DOP1B: variants seen among roughly 807,000 people sequenced by gnomAD.
DOP1B encodes the protein protein DOP1B.
Under a neutral mutation model 233.5 loss-of-function variants are expected in DOP1B, and 174 were observed. The ratio of observed to expected loss-of-function variants is 0.75; its 90% confidence interval spans 0.66 to 0.85. The LOEUF (loss-of-function observed/expected upper bound fraction) is 0.85, where lower values mean the gene tolerates loss of function less well. Ranked by LOEUF, DOP1B falls within the 40% of genes least tolerant of loss-of-function variation. The pLI is 0.00. For synonymous variants in DOP1B, 1,190 were observed against 1,185.6 expected (o/e 1.00, Z -0.08); for missense variants, 2,652 against 2,846.6 (o/e 0.93, Z 1.56).
chr21:36,174,016 C>A (rs16993939), intron 2 of DOP1B, among the ~76,000 whole-genome samples: 1,856 of 152,208 alleles, frequency 0.012, 40 homozygotes, highest in African/African-American at 0.043. Flanking sequence ...TCACACAGTT[C>A]AGCTTCCGGA....
At chr21:36,290,390 G>A (rs537904641) in intron 35 of DOP1B, among the ~76,000 whole-genome samples, 5 of 152,186 alleles carry the variant, frequency 3.3e-5, no homozygotes, top group East Asian at 3.9e-4. Flanking sequence ...GCCAGGTACC[G>A]TGGCTCACAC....
intron 26 of DOP1B, among the ~76,000 whole-genome samples, chr21:36,269,321 A>G (rs544693698): frequency 1.3e-5 from 2 of 151,282 alleles, no homozygotes; most frequent in East Asian, 2.0e-4. Context: ...ACACCCACCT[A>G]ATTTTGTATT....
At chr21:36,194,517 C>T (rs146474952) in intron 2 of DOP1B, among the ~76,000 whole-genome samples, 5,423 of 136,932 alleles carry the variant, frequency 0.04, 149 homozygotes, top group Non-Finnish European at 0.055. Flanking sequence ...GACAGAGTCT[C>T]ACTCTGTCAC....
intron 2 of DOP1B, among the ~76,000 whole-genome samples, chr21:36,167,192 T>G (rs566362163): frequency 2.6e-5 from 4 of 152,296 alleles, no homozygotes; most frequent in African/African-American, 9.6e-5. Context: ...TTTTTCTTTT[T>G]GAAACAGTCT....
intron 2 of DOP1B, among the ~76,000 whole-genome samples, chr21:36,181,723 C>A (rs2066100725): frequency 6.6e-6 from 1 of 152,156 alleles, no homozygotes; most frequent in African/African-American, 2.4e-5. Context: ...GTTATGTCCA[C>A]CCATGCCTCC....
intron 9 of DOP1B, among the ~76,000 whole-genome samples, chr21:36,218,330 A>G (rs1283527095): frequency 6.6e-6 from 1 of 152,080 alleles, no homozygotes; most frequent in African/African-American, 2.4e-5. Flanking sequence ...TCAGGAGTTC[A>G]AGACCAACAT....
intron 32 of DOP1B, among the ~76,000 whole-genome samples, chr21:36,283,936 CTTTTTT>C (rs547999186): frequency 1.7e-3 from 167 of 101,000 alleles, no homozygotes; most frequent in African/African-American, 6.0e-3. Context: ...ACACCTGTTC[CTTTTTT>C]TTTTTTTTTT....
intron 22 of DOP1B, among the ~76,000 whole-genome samples, chr21:36,253,189 A>G (rs1268660147): frequency 6.6e-6 from 1 of 152,180 alleles, no homozygotes; most frequent in African/African-American, 2.4e-5. Context: ...AGGCTAGCAA[A>G]TGGGAGCCTG....
chr21:36,265,527 G>A (rs1365493139), intron 26 of DOP1B, among the ~76,000 whole-genome samples: 1 of 152,214 alleles, frequency 6.6e-6, no homozygotes, highest in Admixed American at 6.6e-5. Context: ...CCAGGTGCTG[G>A]GATAGCACTT....
chr21:36,244,396 T>G (rs1298841248), intron 18 of DOP1B, among the ~76,000 whole-genome samples: 2 of 152,074 alleles, frequency 1.3e-5, no homozygotes, highest in African/African-American at 4.8e-5. Context: ...TTTGAAAGTC[T>G]TCTGCTGACA....
intron 26 of DOP1B, among the ~76,000 whole-genome samples, chr21:36,267,566 C>T (rs2067243309): frequency 6.7e-6 from 1 of 150,160 alleles, no homozygotes. Context: ...CACCTGTAGT[C>T]CCAGCTACCT....
rs556956246 is a variant in DOP1B at position 36,184,473 on chromosome 21, C to T, written c.139-14597C>T. Among the ~76,000 whole-genome samples, 8 of 152,336 alleles carry T rather than the reference C, an allele frequency of 5.3e-5. No individual in the cohort carries two copies. The East Asian group carries it at 5.8e-4, about 11-fold the overall frequency. ...TGCTGGGATCATAGGCATGAGCCAC[C>T]GTGCCCAGCCCCTGTATACACTGTT... On this transcript the variant is annotated intron_variant, in intron 2 of 36. Transcript: ENST00000691173.
At chr21:36,216,592 CAG>C (rs1279076787) in intron 9 of DOP1B, among the ~76,000 whole-genome samples, 5 of 152,172 alleles carry the variant, frequency 3.3e-5, no homozygotes, top group African/African-American at 1.2e-4. Context: ...GCCTGGGCAA[CAG>C]AGTGAGACTC....
chr21:36,217,747 G>T (rs1305159431), intron 9 of DOP1B, among the ~76,000 whole-genome samples: 1 of 152,168 alleles, frequency 6.6e-6, no homozygotes, highest in Non-Finnish European at 1.5e-5. Flanking sequence ...AGATTTTCCT[G>T]CTAGTGTAGA....
At chr21:36,215,235 A>G (rs572809610) in intron 9 of DOP1B, among the ~76,000 whole-genome samples, 44 of 152,256 alleles carry the variant, frequency 2.9e-4, no homozygotes, top group African/African-American at 1.1e-3. Context: ...GATCCTGGGC[A>G]AGCCACTTCT....
In DOP1B at chr21:36,199,110, G is replaced by A. The variant is rs938543899; in HGVS notation, c.179G>A (p.Arg60Gln). 1.5e-5 allele frequency: 24 copies of A among 1,613,758 alleles called. No homozygotes were observed. Among genetic ancestry groups the A allele is most frequent in the East Asian group, 8.9e-5 (4 of 44,876 alleles). Residue 60 changes from arginine to glutamine, a missense_variant, in exon 3 of 37, where the codon CGG becomes CAG. Arg to Gln is a conservative substitution (Grantham distance 43, BLOSUM62 1). Transcript: ENST00000691173. ...SNLRYSLLPRRLLISKRLAQC... is the reference protein window; with the variant it reads ...SNLRYSLLPRQLLISKRLAQC... Reference sequence around the variant, plus strand: ...CTGAGGTACTCCTTGTTGCCAAGACGGCTCCTCATCAGCAAAAGATTAGCT... The same window carrying A: ...CTGAGGTACTCCTTGTTGCCAAGACAGCTCCTCATCAGCAAAAGATTAGCT...
At position 36,251,838 on chromosome 21, in the gene DOP1B, A is replaced by G. The variant is rs1441585503; in HGVS notation, c.5121+554A>G. On this transcript the variant is annotated intron_variant, in intron 22 of 36. Coordinates refer to ENST00000691173, the MANE Select transcript of DOP1B (RefSeq NM_001320714.2). ...TCTGTTTTCTAATTTTTCTGTAATG[A>G]GTATATAGTACTTGTGTTTAATCTT... Among the ~76,000 whole-genome samples the G allele has an allele frequency of 2.0e-5, 3 of 152,178 alleles. No homozygotes were observed. In the South Asian group the frequency reaches 6.2e-4, roughly 32 times the overall value.
At chr21:36,184,522 C>T (rs992898059) in intron 2 of DOP1B, among the ~76,000 whole-genome samples, 1 of 152,140 alleles carries the variant, frequency 6.6e-6, no homozygotes, top group African/African-American at 2.4e-5. Context: ...ACCCAGCTGC[C>T]GAGAGATGGT....
In DOP1B at chr21:36,251,017, C is replaced by T. The variant is rs1247122355; in HGVS notation, c.4999-145C>T. On this transcript the variant is annotated intron_variant, in intron 21 of 36. Transcript: ENST00000691173. ...GATTCCTCCCATTGCTGGGATCCAC[C>T]CATCAGGGAAGCACCTCAGCACAAC... 2.7e-6 allele frequency: 3 copies of T among 1,114,728 alleles called. No individual in the cohort carries two copies. In the South Asian group the frequency reaches 5.4e-5, roughly 20 times the overall value. 69.1% of individuals were successfully genotyped at this position (1,114,728 alleles called of 1,614,324 possible).
Sources: gnomAD v4.1 joint callset for allele counts (sites outside exome capture counted in the v4.1 genomes callset) on GRCh38, gnomAD v4.1.1 for gene constraint, MANE v1.5 for transcripts, NCBI Gene and HGNC (gene_info 2026-07-23, HGNC 2026-07-21) for gene names.